Variants in PRKAA2 observed in about 807,000 individuals in gnomAD.
The protein encoded by PRKAA2 is 5'-AMP-activated protein kinase catalytic subunit alpha-2.
PRKAA2 carries 40 observed loss-of-function variants against 56.3 expected under a neutral mutation model. The ratio of observed to expected loss-of-function variants is 0.71; its 90% CI spans 0.55 to 0.92. PRKAA2 has a LOEUF of 0.92. Ranked by LOEUF, PRKAA2 falls within the 40% of genes least tolerant of loss-of-function variation. The pLI, the probability that PRKAA2 is intolerant of heterozygous loss-of-function variation, is 0.00. For synonymous variants in PRKAA2, 214 were observed against 234.2 expected, an observed-to-expected ratio of 0.91 and a Z score of 0.79; for missense variants, 542 against 686.9, an observed-to-expected ratio of 0.79 and a Z score of 2.36.
chr1:56,657,903 TGAA>T (rs1339824108), intron 1 of PRKAA2, among the ~76,000 whole-genome samples: 1 of 152,022 alleles, frequency 6.6e-6, no homozygotes, highest in East Asian at 1.9e-4. Context: ...CAAAAAGAAA[TGAA>T]GAGCGTTGGG....
intron 1 of PRKAA2, among the ~76,000 whole-genome samples, chr1:56,657,262 G>A (rs983468720): frequency 6.6e-6 from 1 of 152,122 alleles, no homozygotes; most frequent in Non-Finnish European, 1.5e-5. Flanking sequence ...GTAATAAGTT[G>A]ACTCCCCAAC....
chr1:56,693,446 T>C (rs1644241078), intron 4 of PRKAA2, among the ~76,000 whole-genome samples: 1 of 152,178 alleles, frequency 6.6e-6, no homozygotes, highest in Admixed American at 6.5e-5. Flanking sequence ...TGGAAATAGG[T>C]AAATAATATT....
rs867367938 is a variant in PRKAA2 at position 56,674,401 on chromosome 1, G to T, written c.115G>T (p.Gly39Cys). ...TTTAGTTGGAGAACATCAATTAACA[G>T]GCCATAAAGTGGCAGTTAAAATCTT... ...KVKIGEHQLT[G>C]HKVAVKILNR... The change falls in exon 2 of 9, where the codon GGC becomes TGC. Residue 39 changes from glycine to cysteine, a missense_variant. Gly to Cys is a radical substitution (Grantham distance 159). Around this residue, in one of 5 missense-constraint regions of PRKAA2, gnomAD observed 59 missense variants for 53.9 expected, o/e 1.09. Transcript: ENST00000371244. The T allele has an allele frequency of 6.4e-7, 1 of 1,568,886 alleles. No homozygotes were observed. The highest frequency in any genetic ancestry group is 8.6e-7 in the Non-Finnish European group (1 of 1,161,784).
chr1:56,707,841 C>A lies in PRKAA2; in HGVS notation c.*128C>A, dbSNP rs1322745753. 4.5e-6 allele frequency: 4 copies of A among 883,126 alleles called. No individual in the cohort carries two copies. Among genetic ancestry groups the A allele is most frequent in the Non-Finnish European group, 7.0e-6 (4 of 575,272 alleles). The allele number at this position is 883,126 out of a possible 1,614,324, so 54.7% of individuals were successfully genotyped here. ...AACATGAATTATTTCCAGGGGCACACAATGCTATTGAAATTACTGAAAACA... is the reference window on the plus strand; with the variant it reads ...AACATGAATTATTTCCAGGGGCACAAAATGCTATTGAAATTACTGAAAACA... On this transcript the variant is annotated 3_prime_UTR_variant, in exon 9 of 9. Transcript: ENST00000371244.
intron 2 of PRKAA2, among the ~76,000 whole-genome samples, chr1:56,688,661 CAG>C (rs1402875232): frequency 6.6e-6 from 1 of 152,154 alleles, no homozygotes; most frequent in South Asian, 2.1e-4. Context: ...TAGTATGACT[CAG>C]TGTTGTGACT....
intron 3 of PRKAA2, 35 bp downstream of exon 3, chr1:56,691,522 A>C (rs370319788): frequency 1.6e-5 from 24 of 1,501,750 alleles, no homozygotes; most frequent in Non-Finnish European, 2.2e-5. Context: ...CTAAATCTCT[A>C]AACTAATAAA....
chr1:56,692,593 T>G (rs1644235735), intron 4 of PRKAA2, 91 bp downstream of exon 4: 1 of 1,277,862 alleles, frequency 7.8e-7, no homozygotes, highest in African/African-American at 1.5e-5. Context: ...TTCAACCTTG[T>G]ACGTTCTGTA....
chr1:56,663,847 C>T (rs1644013505), intron 1 of PRKAA2, among the ~76,000 whole-genome samples: 1 of 152,138 alleles, frequency 6.6e-6, no homozygotes, highest in Admixed American at 6.6e-5. Context: ...CCCCTATAAT[C>T]CCAGCACTTT....
chr1:56,657,331 A>G (rs553973583), intron 1 of PRKAA2, among the ~76,000 whole-genome samples: 32 of 152,330 alleles, frequency 2.1e-4, no homozygotes, highest in Non-Finnish European at 4.3e-4. Context: ...TCGAAGAGGT[A>G]AAAGAAACAA....
chr1:56,706,058 G>GTAGTTTAT (rs778300126), intron 7 of PRKAA2, 34 bp from the exon 8 acceptor site: 2 of 1,554,272 alleles, frequency 1.3e-6, no homozygotes, highest in South Asian at 2.3e-5. Context: ...TAGATATTTT[G>GTAGTTTAT]TAGTTTATTA....
intron 2 of PRKAA2, among the ~76,000 whole-genome samples, chr1:56,681,827 T>C (rs952633403): frequency 2.0e-5 from 3 of 152,342 alleles, no homozygotes; most frequent in Admixed American, 2.0e-4. Context: ...TAGGCTTGTC[T>C]TGGCAATGTG....
At chr1:56,692,326 A>T in intron 3 of PRKAA2, 32 bp from the exon 4 acceptor site, 2 of 1,612,836 alleles carry the variant, frequency 1.2e-6, no homozygotes, top group Non-Finnish European at 1.7e-6. Context: ...AGCCCCAGAT[A>T]TTCTTAATGC....
chr1:56,674,473 C>T lies in PRKAA2; in HGVS notation c.187C>T (p.Arg63Ter), dbSNP rs373328629. 6.4e-6 allele frequency: 10 copies of T among 1,567,530 alleles called. No individual in the cohort carries two copies. The highest frequency in any genetic ancestry group is 1.4e-5 in the African/African-American group (1 of 72,752). The change falls in exon 2 of 9, where the codon CGA (arginine) becomes TGA (stop). Residue 63 changes from arginine (R) to a stop codon, truncating the protein, a stop_gained. Coordinates refer to ENST00000371244, the MANE Select transcript of PRKAA2 (RefSeq NM_006252.4). LOFTEE classifies it high-confidence loss of function. ...RSLDVVGKIK[R>*]EIQNLKLFRH... ...TTTAGATGTTGTTGGAAAAATAAAA[C>T]GAGAAATTCAAAATCTAAAACTCTT...
intron 6 of PRKAA2, 25 bp downstream of exon 6, chr1:56,696,184 C>T: frequency 6.4e-7 from 1 of 1,568,782 alleles, no homozygotes; most frequent in African/African-American, 1.4e-5. Flanking sequence ...TGTTTCTGTT[C>T]TGCATATTTT....
In PRKAA2 at chr1:56,713,140, A is replaced by G. The variant is rs921944826; in HGVS notation, c.*5427A>G. 6.6e-6 allele frequency: 1 copy of G among 152,186 alleles called. No homozygotes were observed. Among genetic ancestry groups the G allele is most frequent in the Non-Finnish European group, 1.5e-5 (1 of 68,022 alleles). 9.4% of individuals were successfully genotyped at this position (152,186 alleles called of 1,614,324 possible). The stretch of plus-strand genomic sequence containing the variant: ...TTCATTTAAACAAGTTGCTGGCATC[A>G]TTACTAGCCTTTCCACCTATAATTA... On this transcript the variant is annotated 3_prime_UTR_variant, in exon 9 of 9. Coordinates refer to ENST00000371244, the MANE Select transcript of PRKAA2 (RefSeq NM_006252.4).
chr1:56,647,387 C>T (rs966490231), intron 1 of PRKAA2, among the ~76,000 whole-genome samples: 6 of 152,174 alleles, frequency 3.9e-5, no homozygotes, highest in African/African-American at 1.4e-4. Context: ...TTTTGCTTGT[C>T]TTTTTAAGTT....
chr1:56,692,992 G>C (rs1417895632), intron 4 of PRKAA2, among the ~76,000 whole-genome samples: 2 of 152,070 alleles, frequency 1.3e-5, no homozygotes, highest in Non-Finnish European at 2.9e-5. Context: ...AACAGTTTTT[G>C]TCAGGGGTAA....
Position 56,695,156 on chromosome 1 carries a change from ATCTC to A in PRKAA2, c.564-771_564-768del, listed in dbSNP as rs541001068. 4.2e-3 allele frequency among the ~76,000 whole-genome samples: 603 copies of A among 142,104 alleles called. 5 individuals are homozygous for A. The highest frequency in any genetic ancestry group is 0.014 in the African/African-American group (513 of 35,820). 93.2% of individuals were successfully genotyped at this position (142,104 alleles called of 152,430 possible). On this transcript the variant is annotated intron_variant, in intron 5 of 8. Coordinates refer to ENST00000371244, the MANE Select transcript of PRKAA2 (RefSeq NM_006252.4). ...AATTAAGTACTTTAATGTTTTAAAT[ATCTC>A]TCTCTCTATATATATGATATATTAT...
chr1:56,665,077 CT>C (rs76211899), intron 1 of PRKAA2, among the ~76,000 whole-genome samples: 50,344 of 138,716 alleles, frequency 0.36, 9,288 homozygotes, highest in Middle Eastern at 0.49. Context: ...TAGTTCCTAT[CT>C]TTTTTTTTTT....
Sources: allele counts gnomAD v4.1 joint callset (sites outside exome capture counted in the v4.1 genomes callset), GRCh38; gene constraint gnomAD v4.1.1; regional missense constraint gnomAD v4.1.1; transcripts MANE v1.5; gene names NCBI Gene and HGNC (gene_info 2026-07-23, HGNC 2026-07-21).